Variants in POLD3 observed in about 807,000 individuals in gnomAD.
The protein encoded by POLD3 is DNA polymerase delta subunit 3.
POLD3 carries 19 observed loss-of-function variants against 58.2 expected under a neutral mutation model. That is an observed-to-expected ratio of 0.33 (90% confidence interval 0.23 to 0.48). The LOEUF is 0.48. Among genes scored for constraint, POLD3 ranks in the 20% least tolerant of loss-of-function variants. The pLI, the probability that POLD3 is intolerant of heterozygous loss-of-function variation, is 0.99. For missense variants in POLD3, 504 were observed against 545.5 expected (o/e 0.92, Z 0.76); for synonymous variants, 172 against 193.5 (o/e 0.89, Z 0.92).
intron 2 of POLD3, among the ~76,000 whole-genome samples, chr11:74,601,647 G>C (rs2031503883): frequency 6.6e-6 from 1 of 152,126 alleles, no homozygotes; most frequent in Non-Finnish European, 1.5e-5. Flanking sequence ...TAATAACCAG[G>C]CATGGTAGCA....
chr11:74,608,840 C>A (rs1022823276), intron 3 of POLD3, among the ~76,000 whole-genome samples: 3 of 152,176 alleles, frequency 2.0e-5, no homozygotes, highest in Non-Finnish European at 4.4e-5. Context: ...TTTTACGGAA[C>A]ATGACTTTTT....
chr11:74,631,451 C>T (rs958236576), intron 9 of POLD3, among the ~76,000 whole-genome samples: 31 of 147,738 alleles, frequency 2.1e-4, no homozygotes, highest in Non-Finnish European at 4.2e-4. Flanking sequence ...GTGCTTGGTA[C>T]ATGGTTTTCT....
At chr11:74,609,983 A>T (rs2135134644) in intron 3 of POLD3, among the ~76,000 whole-genome samples, 1 of 152,188 alleles carries the variant, frequency 6.6e-6, no homozygotes, top group South Asian at 2.1e-4. Context: ...TGTGTTTTGT[A>T]TATTTTTGCT....
intron 8 of POLD3, chr11:74,628,842 ATTG>A (rs2032505641): frequency 6.3e-6 from 1 of 157,500 alleles, no homozygotes; most frequent in Non-Finnish European, 1.4e-5. Flanking sequence ...TTTCTTCTGT[ATTG>A]TTGCATTCTC....
chr11:74,609,413 C>CT (rs61706295), intron 3 of POLD3, among the ~76,000 whole-genome samples: 97,326 of 111,446 alleles, frequency 0.87, 42,514 homozygotes, highest in African/African-American at 0.97. Flanking sequence ...TGGACTTTTG[C>CT]CTGTTGGCCA....
chr11:74,656,079 A>T (rs1213305335), intron 4 of POLD3, among the ~76,000 whole-genome samples: 1 of 152,252 alleles, frequency 6.6e-6, no homozygotes, highest in Non-Finnish European at 1.5e-5. Flanking sequence ...GCCATTTATA[A>T]TAGTGTCAAG....
Position 74,608,476 on chromosome 11 carries a change from C to T in POLD3, c.220-3023C>T, listed in dbSNP as rs117423099. On this transcript the variant is annotated intron_variant, in intron 3 of 11. Coordinates refer to ENST00000263681, the MANE Select transcript of POLD3 (RefSeq NM_006591.3). ...GAATAATTTTCTCTCATCAACTAGC[C>T]GTGTTTTCCCTGTTATGCTAAGAAC... Among the ~76,000 whole-genome samples the T allele has an allele frequency of 1.5e-4, 23 of 152,152 alleles. 1 individual carries two copies. In the East Asian group the frequency reaches 4.1e-3, roughly 27 times the overall value.
At chr11:74,658,681 C>G (rs991942995) in intron 4 of POLD3, among the ~76,000 whole-genome samples, 3 of 152,116 alleles carry the variant, frequency 2.0e-5, no homozygotes, top group African/African-American at 7.2e-5. Context: ...CTTGCAAGTC[C>G]GAAATCCAGC....
chr11:74,608,814 A>G (rs749677001), intron 3 of POLD3, among the ~76,000 whole-genome samples: 1 of 152,174 alleles, frequency 6.6e-6, no homozygotes, highest in African/African-American at 2.4e-5. Flanking sequence ...TAAGCTCTGT[A>G]ATTTTTAGTG....
At chr11:74,600,710 CTTTT>C (rs57206403) in intron 2 of POLD3, among the ~76,000 whole-genome samples, 2 of 63,046 alleles carry the variant, frequency 3.2e-5, no homozygotes, top group Non-Finnish European at 5.6e-5. Flanking sequence ...GAATTCTTTC[CTTTT>C]TTTTTTTTTT....
In POLD3 at chr11:74,642,135, TG is replaced by T. The variant is rs554661193; in HGVS notation, c.*1370del. 1.0e-6 allele frequency: 1 copy of T among 985,468 alleles called. No homozygotes were observed. The highest frequency in any genetic ancestry group is 6.1e-5 in the Admixed American group (1 of 16,288). The allele number at this position is 985,468 out of a possible 1,614,324, so 61.0% of individuals were successfully genotyped here. A position where few individuals can be genotyped will look rare whatever the true frequency, so the allele number is the denominator to read the frequency against. On this transcript the variant is annotated 3_prime_UTR_variant, in exon 12 of 12. Coordinates refer to ENST00000263681, the MANE Select transcript of POLD3 (RefSeq NM_006591.3). The stretch of plus-strand genomic sequence containing the variant: ...GTATGTCGTAAGTGATGCAATCAGC[TG>T]TCTGCTTTTTAAGGTTGGGATTGTG...
chr11:74,617,440 C>T (rs969769265), intron 5 of POLD3, among the ~76,000 whole-genome samples: 4 of 152,242 alleles, frequency 2.6e-5, no homozygotes, highest in South Asian at 2.1e-4. Flanking sequence ...ATTGCTGTGT[C>T]GCCTAGGCTG....
Position 74,611,425 on chromosome 11 carries a change from TG to T in POLD3, c.220-73del. 3.5e-6 allele frequency: 3 copies of T among 854,644 alleles called. No individual in the cohort carries two copies. In the Admixed American group the frequency reaches 5.9e-5, roughly 17 times the overall value. The allele number at this position is 854,644 out of a possible 1,614,324, so 52.9% of individuals were successfully genotyped here. A position where few individuals can be genotyped will look rare whatever the true frequency, so the allele number is the denominator to read the frequency against. On this transcript the variant is annotated intron_variant, in intron 3 of 11. Coordinates refer to ENST00000263681, the MANE Select transcript of POLD3 (RefSeq NM_006591.3). ...TCCTAATTTCACATCCAAGCACAATTGAATTATTGGAGCAAGGAAACTAAAA... is the reference window on the plus strand; with the variant it reads ...TCCTAATTTCACATCCAAGCACAATTAATTATTGGAGCAAGGAAACTAAAA...
intron 4 of POLD3, among the ~76,000 whole-genome samples, chr11:74,665,119 AAAAT>A (rs201169372): frequency 0.016 from 2,420 of 148,582 alleles, 45 homozygotes; most frequent in Middle Eastern, 0.031. Flanking sequence ...AAATAAAAAT[AAAAT>A]AAATAAATAA....
chr11:74,645,193 G>C (rs1039492643), downstream of POLD3, among the ~76,000 whole-genome samples: 9 of 152,146 alleles, frequency 5.9e-5, no homozygotes, highest in Non-Finnish European at 2.9e-5. Flanking sequence ...AACAATAAAA[G>C]ATTTAAAGAA....
chr11:74,620,441 G>A (rs2032217491), intron 7 of POLD3, among the ~76,000 whole-genome samples: 1 of 152,174 alleles, frequency 6.6e-6, no homozygotes, highest in Admixed American at 6.5e-5. Flanking sequence ...TAATAACGTG[G>A]ATGCTAGAGT....
chr11:74,620,184 C>A, intron 7 of POLD3, 95 bp downstream of exon 7: 1 of 935,396 alleles, frequency 1.1e-6, no homozygotes, highest in Non-Finnish European at 1.7e-6. Flanking sequence ...TAGTTTTTGC[C>A]AATCCAAGAG....
At chr11:74,646,880 G>A (rs1051150112), downstream of POLD3, among the ~76,000 whole-genome samples, 2 of 152,212 alleles carry the variant, frequency 1.3e-5, no homozygotes, top group African/African-American at 2.4e-5. Flanking sequence ...CATAAACATA[G>A]CATAATGACG....
intron 4 of POLD3, among the ~76,000 whole-genome samples, chr11:74,611,977 C>T (rs554350007): frequency 6.6e-6 from 1 of 152,276 alleles, no homozygotes; most frequent in African/African-American, 2.4e-5. Flanking sequence ...TTTAAAAACC[C>T]AATTCAAAGG....
Sources: allele counts gnomAD v4.1 joint callset (sites outside exome capture counted in the v4.1 genomes callset), GRCh38; gene constraint gnomAD v4.1.1; transcripts MANE v1.5; gene names NCBI Gene and HGNC (gene_info 2026-07-23, HGNC 2026-07-21).